Variants in ME1 observed in about 807,000 individuals in gnomAD.
ME1 encodes NADP-dependent malic enzyme.
A neutral mutation model predicts 66.4 loss-of-function variants in ME1; 74 were observed. The ratio of observed to expected loss-of-function variants is 1.11; its 90% confidence interval spans 0.92 to 1.35. The LOEUF is 1.35. Ranked by LOEUF, ME1 falls within the 40% of genes most tolerant of loss-of-function variation. ME1 has a pLI of 0.00. For missense variants in ME1, 750 were observed against 694.1 expected (o/e 1.08, Z -0.90); for synonymous variants, 251 against 235.6 (o/e 1.07, Z -0.60).
chr6:83,424,090 C>T lies in ME1; in HGVS notation c.78+6787G>A, dbSNP rs546020364. On this transcript the variant is annotated intron_variant, in intron 1 of 13. Transcript: ENST00000369705. ...CCAGCCTGGATAACAGAGCAAGACC[C>T]TGTCTCAAAAAAAAAAAAAAAGGTA... Among the ~76,000 whole-genome samples, 7 of 133,984 alleles carry T rather than the reference C, an allele frequency of 5.2e-5. No individual in the cohort carries two copies. In the South Asian group the frequency reaches 1.1e-3, roughly 22 times the overall value. 87.9% of individuals were successfully genotyped at this position (133,984 alleles called of 152,430 possible). A position where few individuals can be genotyped will look rare whatever the true frequency, so the allele number is the denominator to read the frequency against.
At chr6:83,411,751 A>G (rs1770052335) in intron 1 of ME1, among the ~76,000 whole-genome samples, 1 of 152,236 alleles carries the variant, frequency 6.6e-6, no homozygotes, top group South Asian at 2.1e-4. Flanking sequence ...TCAGACGTCT[A>G]TATAGATATA....
At chr6:83,342,679 G>A (rs1338198364) in intron 5 of ME1, among the ~76,000 whole-genome samples, 2 of 151,960 alleles carry the variant, frequency 1.3e-5, no homozygotes, top group Admixed American at 6.6e-5. Context: ...CCATCATCTT[G>A]AGTATTATTT....
intron 13 of ME1, among the ~76,000 whole-genome samples, chr6:83,214,577 C>A (rs529961798): frequency 3.3e-5 from 5 of 152,296 alleles, no homozygotes; most frequent in Admixed American, 2.6e-4. Context: ...CTCTTCTTAA[C>A]TGGCATCTTT....
intron 3 of ME1, chr6:83,392,516 A>G (rs1265057301): frequency 1.9e-6 from 1 of 534,814 alleles, no homozygotes; most frequent in Admixed American, 1.9e-5. Context: ...GTCGCCATCA[A>G]TGACCCCTTC....
At chr6:83,296,122 C>G (rs1003354730) in intron 6 of ME1, among the ~76,000 whole-genome samples, 1 of 152,172 alleles carries the variant, frequency 6.6e-6, no homozygotes, top group African/African-American at 2.4e-5. Context: ...TCTACTGGAA[C>G]TATTCCAAAA....
intron 3 of ME1, among the ~76,000 whole-genome samples, chr6:83,352,879 A>G (rs1768827517): frequency 6.6e-6 from 1 of 152,228 alleles, no homozygotes; most frequent in Non-Finnish European, 1.5e-5. Flanking sequence ...ATGAATTGTT[A>G]TAAGACAACC....
intron 6 of ME1, among the ~76,000 whole-genome samples, chr6:83,305,632 A>G (rs1258009360): frequency 6.6e-6 from 1 of 152,138 alleles, no homozygotes; most frequent in Non-Finnish European, 1.5e-5. Flanking sequence ...TGAGCACATC[A>G]TAGAGGTCAG....
chr6:83,349,079 T>C (rs993682275), intron 4 of ME1, among the ~76,000 whole-genome samples: 7 of 151,328 alleles, frequency 4.6e-5, no homozygotes, highest in Non-Finnish European at 1.0e-4. Flanking sequence ...AAAGCTATTA[T>C]TTATATTATT....
In ME1 at chr6:83,306,720, C is replaced by T. The variant is rs535412449; in HGVS notation, c.704+8590G>A. 2.6e-4 allele frequency among the ~76,000 whole-genome samples: 40 copies of T among 152,098 alleles called. 1 individual carries two copies. In the South Asian group the frequency reaches 7.1e-3, roughly 27 times the overall value. On this transcript the variant is annotated intron_variant, in intron 6 of 13. Coordinates refer to ENST00000369705, the MANE Select transcript of ME1 (RefSeq NM_002395.6). ...CATTAGACTCAATGCTTAAATAATG[C>T]TTTCAACAGCAGTTATTTTATGCCT... is the stretch of plus-strand genomic sequence containing the variant.
At chr6:83,408,390 T>C (rs1459840941) in intron 1 of ME1, among the ~76,000 whole-genome samples, 1 of 152,202 alleles carries the variant, frequency 6.6e-6, no homozygotes, top group Non-Finnish European at 1.5e-5. Flanking sequence ...TTGATTCTTA[T>C]GTACTCCTAG....
intron 7 of ME1, among the ~76,000 whole-genome samples, chr6:83,246,140 A>G (rs1790617229): frequency 6.6e-6 from 1 of 152,210 alleles, no homozygotes. Flanking sequence ...CAACATCAAC[A>G]ACAATACCAC....
intron 3 of ME1, among the ~76,000 whole-genome samples, chr6:83,385,277 G>T (rs1769485327): frequency 6.6e-6 from 1 of 151,868 alleles, no homozygotes; most frequent in African/African-American, 2.4e-5. Flanking sequence ...TTTTAGTAAA[G>T]AACAGTGAGA....
At chr6:83,252,225 G>T (rs1238328389) in intron 7 of ME1, among the ~76,000 whole-genome samples, 1 of 152,094 alleles carries the variant, frequency 6.6e-6, no homozygotes, top group South Asian at 2.1e-4. Flanking sequence ...GGTTAAGTAG[G>T]AGATAACTTT....
intron 6 of ME1, among the ~76,000 whole-genome samples, chr6:83,278,704 C>T (rs1029967906): frequency 1.3e-5 from 2 of 152,098 alleles, no homozygotes; most frequent in Non-Finnish European, 2.9e-5. Context: ...GGCAATCCTC[C>T]CACCTCAGCC....
intron 7 of ME1, among the ~76,000 whole-genome samples, chr6:83,245,608 A>G (rs963983334): frequency 6.6e-6 from 1 of 152,102 alleles, no homozygotes; most frequent in Non-Finnish European, 1.5e-5. Context: ...GGGTTTCTCC[A>G]TGTTGGTCAG....
chr6:83,217,651 G>T (rs112579439), intron 12 of ME1, among the ~76,000 whole-genome samples: 1,921 of 152,234 alleles, frequency 0.013, 21 homozygotes, highest in Non-Finnish European at 0.021. Context: ...GTTCTGGAAG[G>T]CCTTATAGTG....
chr6:83,356,838 T>A (rs1186927427), intron 3 of ME1, among the ~76,000 whole-genome samples: 1 of 152,142 alleles, frequency 6.6e-6, no homozygotes, highest in Non-Finnish European at 1.5e-5. Flanking sequence ...ATAAAAATAT[T>A]CTCCTACATA....
chr6:83,254,076 T>C (rs1790765791), intron 6 of ME1, among the ~76,000 whole-genome samples: 1 of 152,148 alleles, frequency 6.6e-6, no homozygotes, highest in Non-Finnish European at 1.5e-5. Context: ...GTTCCGAAGA[T>C]AGATATCACT....
chr6:83,224,715 A>C (rs1380326366), intron 11 of ME1, among the ~76,000 whole-genome samples: 1 of 149,628 alleles, frequency 6.7e-6, no homozygotes, highest in Non-Finnish European at 1.5e-5. Context: ...AATAATAATA[A>C]TAAATAAATA....
Sources: allele counts gnomAD v4.1 joint callset (sites outside exome capture counted in the v4.1 genomes callset), GRCh38; gene constraint gnomAD v4.1.1; transcripts MANE v1.5; gene names NCBI Gene and HGNC (gene_info 2026-07-23, HGNC 2026-07-21).